Variants in GRB2 observed in about 807,000 individuals in gnomAD.
The protein encoded by GRB2 is growth factor receptor bound protein 2.
Under a neutral mutation model 27.4 loss-of-function variants are expected in GRB2, and 2 were observed. That is an observed-to-expected ratio of 0.07 (90% CI 0.03 to 0.23). The LOEUF (loss-of-function observed/expected upper bound fraction) is 0.23. Among genes scored for constraint, GRB2 ranks in the 10% least tolerant of loss-of-function variants. The pLI is 1.00. For missense variants in GRB2, 102 were observed against 282.4 expected (o/e 0.36, Z 4.58); for synonymous variants, 94 against 99.6 (o/e 0.94, Z 0.33).
intron 2 of GRB2, among the ~76,000 whole-genome samples, chr17:75,379,674 A>G (rs1323509421): frequency 1.3e-5 from 2 of 152,198 alleles, no homozygotes; most frequent in African/African-American, 4.8e-5. Context: ...TGCTAGGATT[A>G]CAGGCCACCA....
rs183031045 is a variant in GRB2 at position 75,335,994 on chromosome 17, G to A, written c.79-3197C>T. Among the ~76,000 whole-genome samples the A allele has an allele frequency of 2.4e-4, 36 of 152,294 alleles. No individual in the cohort carries two copies. In the East Asian group the frequency reaches 6.6e-3, roughly 28 times the overall value. ...GGACAAGTTTGAGGAGGGAAAGTGC[G>A]CTTGAACCCTGCCGGGCCACCACCA... On this transcript the variant is annotated intron_variant, in intron 2 of 5. Coordinates refer to ENST00000316804, the MANE Select transcript of GRB2 (RefSeq NM_002086.5).
chr17:75,356,249 G>A (rs2078732862), intron 2 of GRB2, among the ~76,000 whole-genome samples: 1 of 152,110 alleles, frequency 6.6e-6, no homozygotes, highest in Non-Finnish European at 1.5e-5. Flanking sequence ...AGGTACAGTG[G>A]TTCATGCCTG....
At chr17:75,358,622 T>G (rs1348250270) in intron 2 of GRB2, among the ~76,000 whole-genome samples, 1 of 148,132 alleles carries the variant, frequency 6.8e-6, no homozygotes, top group Non-Finnish European at 1.5e-5. Flanking sequence ...CCCAGCACTT[T>G]GGGAGGCTGA....
At chr17:75,323,919 C>T (rs1040522295) in intron 4 of GRB2, among the ~76,000 whole-genome samples, 3 of 151,968 alleles carry the variant, frequency 2.0e-5, no homozygotes, top group African/African-American at 4.8e-5. Flanking sequence ...AAGTGATTCT[C>T]CTGCTTCAGC....
At chr17:75,355,816 CTTTTTTTTT>C (rs1170570570) in intron 2 of GRB2, among the ~76,000 whole-genome samples, 1 of 115,730 alleles carries the variant, frequency 8.6e-6, no homozygotes, top group Non-Finnish European at 1.8e-5. Context: ...TTCCTTTCTT[CTTTTTTTTT>C]TTTTTTTTTT....
intron 4 of GRB2, among the ~76,000 whole-genome samples, chr17:75,322,530 C>T (rs1183779387): frequency 6.6e-6 from 1 of 152,112 alleles, no homozygotes; most frequent in Non-Finnish European, 1.5e-5. Context: ...ATACTTTCAA[C>T]AATTCTCTCG....
chr17:75,327,034 T>C (rs1267394707), intron 3 of GRB2, among the ~76,000 whole-genome samples: 2 of 151,774 alleles, frequency 1.3e-5, no homozygotes, highest in Non-Finnish European at 2.9e-5. Flanking sequence ...ATGGACCAAA[T>C]AGTCCATTAA....
At chr17:75,382,168 A>G in intron 2 of GRB2, among the ~76,000 whole-genome samples, 1 of 151,882 alleles carries the variant, frequency 6.6e-6, no homozygotes, top group East Asian at 1.9e-4. Flanking sequence ...GGTTGTGGTG[A>G]GCCGAGATCG....
chr17:75,358,787 G>A (rs1298519168), intron 2 of GRB2, among the ~76,000 whole-genome samples: 1 of 147,180 alleles, frequency 6.8e-6, no homozygotes, highest in East Asian at 2.0e-4. Flanking sequence ...AGGAGGCTGA[G>A]GCATGAGAAT....
chr17:75,395,816 A>C (rs1023318376), intron 1 of GRB2, among the ~76,000 whole-genome samples: 7 of 148,200 alleles, frequency 4.7e-5, no homozygotes, highest in Non-Finnish European at 1.0e-4. Context: ...TAAATAATGC[A>C]CTAAAACCAA....
rs1432907169 is a variant in GRB2, at chr17:75,364,163, T to A, written c.78+29388A>T. 2.0e-5 allele frequency among the ~76,000 whole-genome samples: 3 copies of A among 152,288 alleles called. No homozygotes were observed. The East Asian group carries it at 5.8e-4, about 29-fold the overall frequency. On this transcript the variant is annotated intron_variant, in intron 2 of 5. Transcript: ENST00000316804. ...TATCTCCCATATTACCTTGCCCAAT[T>A]AATAGTACGCATAGCCACCAAGCTG...
chr17:75,375,611 G>A (rs931306388), intron 2 of GRB2, among the ~76,000 whole-genome samples: 3 of 152,180 alleles, frequency 2.0e-5, no homozygotes, highest in Admixed American at 1.3e-4. Context: ...GCCGGGCACA[G>A]TGGCTCACAC....
intron 3 of GRB2, 122 bp from the exon 4 acceptor site, chr17:75,326,142 C>T (rs2078497177): frequency 8.6e-7 from 1 of 1,157,374 alleles, no homozygotes; most frequent in Admixed American, 1.9e-5. Flanking sequence ...TCCTCATCCT[C>T]CAGCCTCACA....
chr17:75,371,388 G>A (rs1261816342), intron 2 of GRB2: 1 of 152,118 alleles, frequency 6.6e-6, no homozygotes, highest in African/African-American at 2.4e-5. Context: ...CTGAACTCAG[G>A]CAGGACAACA....
intron 3 of GRB2, among the ~76,000 whole-genome samples, chr17:75,331,605 T>C (rs2145825408): frequency 6.6e-6 from 1 of 152,342 alleles, no homozygotes; most frequent in South Asian, 2.1e-4. Flanking sequence ...ATGTTGTGTT[T>C]GGATCTAATG....
intron 2 of GRB2, among the ~76,000 whole-genome samples, chr17:75,390,593 T>G (rs577996570): frequency 6.6e-5 from 10 of 152,364 alleles, no homozygotes; most frequent in African/African-American, 2.4e-4. Flanking sequence ...GGCAGACATA[T>G]TGAACCATTC....
intron 2 of GRB2, among the ~76,000 whole-genome samples, chr17:75,351,935 G>T (rs1020817063): frequency 2.0e-5 from 3 of 152,168 alleles, no homozygotes; most frequent in African/African-American, 7.2e-5. Flanking sequence ...ACTTCAAAGA[G>T]TGACATTAGG....
chr17:75,368,468 T>C (rs1284643447), intron 2 of GRB2, among the ~76,000 whole-genome samples: 1 of 151,424 alleles, frequency 6.6e-6, no homozygotes, highest in Non-Finnish European at 1.5e-5. Context: ...TCGTGATCCA[T>C]CCGCCTCAGC....
intron 2 of GRB2, among the ~76,000 whole-genome samples, chr17:75,335,944 T>TA (rs372379724): frequency 1.3e-5 from 2 of 152,302 alleles, no homozygotes; most frequent in East Asian, 1.9e-4. Context: ...GCTGTATTGA[T>TA]AGACAATTAT....
Sources: gnomAD v4.1 joint callset for allele counts (sites outside exome capture counted in the v4.1 genomes callset) on GRCh38, gnomAD v4.1.1 for gene constraint, MANE v1.5 for transcripts, NCBI Gene and HGNC (gene_info 2026-07-23, HGNC 2026-07-21) for gene names.